EXOC4: variants seen among roughly 807,000 people sequenced by gnomAD.
The protein encoded by EXOC4 is exocyst complex component 4.
A neutral mutation model predicts 107.2 loss-of-function variants in EXOC4; 71 were observed. That is an observed-to-expected ratio of 0.66 (90% CI 0.55 to 0.81). The LOEUF is 0.81. EXOC4 is among the 30% of genes least tolerant of loss of function. The pLI is 0.00. For synonymous variants in EXOC4, 456 were observed against 441.2 expected, an observed-to-expected ratio of 1.03 and a Z score of -0.42; for missense variants, 1,108 against 1,189.6, an observed-to-expected ratio of 0.93 and a Z score of 1.01.
chr7:133,411,693 C>T (rs1329406155), intron 7 of EXOC4, among the ~76,000 whole-genome samples: 1 of 152,056 alleles, frequency 6.6e-6, no homozygotes, highest in African/African-American at 2.4e-5. Context: ...TGTATTCCAT[C>T]TAAACATGTA....
At chr7:133,897,033 G>C (rs778299800) in intron 12 of EXOC4, among the ~76,000 whole-genome samples, 1 of 149,792 alleles carries the variant, frequency 6.7e-6, no homozygotes, top group African/African-American at 2.5e-5. Flanking sequence ...TTAGAATCTA[G>C]TAGGAGATAA....
chr7:133,581,809 G>A lies in EXOC4; in HGVS notation c.1418-48236G>A, dbSNP rs142314814. ...GACCTGAGACTGGGTAATTTATAAA[G>A]GAAAAAGGTTTAATTGACTCACAGT... On this transcript the variant is annotated intron_variant, in intron 9 of 17. Transcript: ENST00000253861. Among the ~76,000 whole-genome samples, 255 of 150,450 alleles carry A rather than the reference G, an allele frequency of 1.7e-3. 1 individual carries two copies. The highest frequency in any genetic ancestry group is 5.8e-3 in the African/African-American group (237 of 40,978).
At chr7:133,988,773 G>T (rs573215845) in intron 14 of EXOC4, among the ~76,000 whole-genome samples, 1 of 152,240 alleles carries the variant, frequency 6.6e-6, no homozygotes, top group Non-Finnish European at 1.5e-5. Context: ...TAAATCAAAC[G>T]GCCCAGGGTT....
At chr7:133,593,760 G>A (rs1398636531) in intron 9 of EXOC4, among the ~76,000 whole-genome samples, 1 of 152,062 alleles carries the variant, frequency 6.6e-6, no homozygotes, top group Non-Finnish European at 1.5e-5. Context: ...TAATAGATGA[G>A]CAAGCATATT....
intron 10 of EXOC4, among the ~76,000 whole-genome samples, chr7:133,772,716 C>G (rs1023130811): frequency 6.6e-6 from 1 of 152,012 alleles, no homozygotes; most frequent in Non-Finnish European, 1.5e-5. Context: ...CAGAAATTCT[C>G]TAGTCCAATC....
At chr7:133,808,679 A>C (rs1488660617) in intron 10 of EXOC4, among the ~76,000 whole-genome samples, 1 of 152,100 alleles carries the variant, frequency 6.6e-6, no homozygotes, top group Non-Finnish European at 1.5e-5. Flanking sequence ...CCCAATTGTC[A>C]TCTGAGTATA....
rs10250786 is a variant in EXOC4, at chr7:133,351,044, G to A, written c.764-5286G>A. Among the ~76,000 whole-genome samples, 189 of 151,860 alleles carry A rather than the reference G, an allele frequency of 1.2e-3. 1 individual carries two copies. The highest frequency in any genetic ancestry group is 4.4e-3 in the African/African-American group (183 of 41,462). ...TTCCTTTTGAGATTGTTCACTGTTA[G>A]TGTATAGAAATGCAATGGACTTGAT... On this transcript the variant is annotated intron_variant, in intron 5 of 17. Coordinates refer to ENST00000253861, the MANE Select transcript of EXOC4 (RefSeq NM_021807.4).
At chr7:133,280,056 C>T (rs1020681373) in intron 2 of EXOC4, among the ~76,000 whole-genome samples, 2 of 152,144 alleles carry the variant, frequency 1.3e-5, no homozygotes, top group Non-Finnish European at 2.9e-5. Context: ...CTCCTGGGCT[C>T]AAGGGATCCT....
intron 10 of EXOC4, among the ~76,000 whole-genome samples, chr7:133,700,751 C>G (rs1794640009): frequency 6.6e-6 from 1 of 151,944 alleles, no homozygotes; most frequent in African/African-American, 2.4e-5. Context: ...TATATGGAGA[C>G]TTAAGTATCA....
At chr7:133,378,096 G>C (rs982825052) in intron 7 of EXOC4, among the ~76,000 whole-genome samples, 4 of 152,160 alleles carry the variant, frequency 2.6e-5, no homozygotes, top group African/African-American at 9.6e-5. Context: ...GGATCACGAG[G>C]TCAGGAGTTC....
chr7:133,483,225 A>G (rs1257237366), intron 9 of EXOC4, among the ~76,000 whole-genome samples: 1 of 152,230 alleles, frequency 6.6e-6, no homozygotes, highest in Non-Finnish European at 1.5e-5. Context: ...AAAATAGGAT[A>G]GAGAGCACCA....
intron 7 of EXOC4, among the ~76,000 whole-genome samples, chr7:133,416,425 A>G (rs749855752): frequency 1.1e-4 from 16 of 152,210 alleles, no homozygotes; most frequent in Non-Finnish European, 2.4e-4. Context: ...TAATTTGCAT[A>G]TAGGGTTGTT....
At chr7:133,391,900 T>G (rs976201609) in intron 7 of EXOC4, among the ~76,000 whole-genome samples, 1 of 152,184 alleles carries the variant, frequency 6.6e-6, no homozygotes, top group African/African-American at 2.4e-5. Context: ...GATTGGAAAT[T>G]CAAATGCAAA....
chr7:133,286,367 T>TC (rs1794276775), intron 2 of EXOC4, among the ~76,000 whole-genome samples: 3 of 152,266 alleles, frequency 2.0e-5, no homozygotes, highest in Admixed American at 2.0e-4. Flanking sequence ...CTGTTATTTT[T>TC]CCTAAGGATG....
At chr7:133,825,173 G>A (rs1797670857) in intron 11 of EXOC4, among the ~76,000 whole-genome samples, 1 of 150,288 alleles carries the variant, frequency 6.7e-6, no homozygotes. Flanking sequence ...AACATAGCAA[G>A]CAACTGTCTC....
intron 9 of EXOC4, among the ~76,000 whole-genome samples, chr7:133,512,793 G>A (rs978402302): frequency 1.8e-4 from 27 of 152,150 alleles, no homozygotes; most frequent in Middle Eastern, 3.2e-3. Context: ...TTACATTAAG[G>A]TTGATCATTC....
At chr7:133,770,615 A>G (rs1438136091) in intron 10 of EXOC4, among the ~76,000 whole-genome samples, 2 of 151,936 alleles carry the variant, frequency 1.3e-5, no homozygotes, top group Admixed American at 6.6e-5. Context: ...ATACATATAC[A>G]TATGTATATG....
At chr7:133,689,630 A>T (rs1794377469) in intron 10 of EXOC4, among the ~76,000 whole-genome samples, 1 of 152,212 alleles carries the variant, frequency 6.6e-6, no homozygotes, top group Non-Finnish European at 1.5e-5. Flanking sequence ...TCAGATATCA[A>T]GGGTGGGGAG....
At chr7:133,764,308 T>C (rs1036465693) in intron 10 of EXOC4, among the ~76,000 whole-genome samples, 1 of 152,112 alleles carries the variant, frequency 6.6e-6, no homozygotes, top group Non-Finnish European at 1.5e-5. Flanking sequence ...ATAATTTTTC[T>C]GATACTCCCA....
Sources: gnomAD v4.1 joint callset for allele counts (sites outside exome capture counted in the v4.1 genomes callset) on GRCh38, gnomAD v4.1.1 for gene constraint, MANE v1.5 for transcripts, NCBI Gene and HGNC (gene_info 2026-07-23, HGNC 2026-07-21) for gene names.